FHIT: variants seen among roughly 807,000 people sequenced by gnomAD.
FHIT encodes bis(5'-adenosyl)-triphosphatase.
Under a neutral mutation model 17.9 loss-of-function variants are expected in FHIT, and 19 were observed. The ratio of observed to expected loss-of-function variants is 1.06; its 90% CI spans 0.74 to 1.56. The LOEUF is 1.56. Ranked by LOEUF, FHIT falls within the 40% of genes most tolerant of loss-of-function variation. The pLI, the probability that FHIT is intolerant of heterozygous loss-of-function variation, is 0.00. For missense variants in FHIT, 248 were observed against 189.2 expected (o/e 1.31, Z -1.82); for synonymous variants, 81 against 69.7 (o/e 1.16, Z -0.81).
At chr3:59,871,332 G>T (rs889992899) in intron 8 of FHIT, among the ~76,000 whole-genome samples, 1 of 152,066 alleles carries the variant, frequency 6.6e-6, no homozygotes, top group African/African-American at 2.4e-5. Flanking sequence ...CCTGAATTTT[G>T]CTGTGTGCGC....
At chr3:60,084,660 C>T (rs923423876) in intron 5 of FHIT, among the ~76,000 whole-genome samples, 4 of 152,048 alleles carry the variant, frequency 2.6e-5, no homozygotes, top group Admixed American at 1.3e-4. Context: ...GAAAATGATA[C>T]GAGTAAACAC....
intron 5 of FHIT, among the ~76,000 whole-genome samples, chr3:60,139,611 C>G (rs1275520661): frequency 6.6e-6 from 1 of 152,140 alleles, no homozygotes; most frequent in East Asian, 1.9e-4. Flanking sequence ...GCCTGCTTTA[C>G]TGTTCCCCCT....
At chr3:60,955,627 T>TATAC (rs1709108864) in intron 3 of FHIT, among the ~76,000 whole-genome samples, 2 of 31,010 alleles carry the variant, frequency 6.4e-5, no homozygotes, top group Admixed American at 4.3e-4. Flanking sequence ...TATATATATA[T>TATAC]ATATATACAC....
intron 3 of FHIT, among the ~76,000 whole-genome samples, chr3:60,881,597 T>C (rs754124660): frequency 1.2e-4 from 19 of 152,034 alleles, no homozygotes; most frequent in Non-Finnish European, 2.5e-4. Context: ...CTGAACACAA[T>C]GGAATAAAAC....
chr3:60,762,670 G>C (rs1036109902), intron 4 of FHIT, among the ~76,000 whole-genome samples: 1 of 152,156 alleles, frequency 6.6e-6, no homozygotes, highest in Non-Finnish European at 1.5e-5. Context: ...CACTGTGAAG[G>C]TAATTTTTAG....
At chr3:60,056,255 T>C (rs1183099095) in intron 5 of FHIT, among the ~76,000 whole-genome samples, 3 of 152,184 alleles carry the variant, frequency 2.0e-5, no homozygotes, top group East Asian at 3.8e-4. Context: ...CTGTAGAAGA[T>C]TTCTCCCAGA....
intron 3 of FHIT, among the ~76,000 whole-genome samples, chr3:60,987,082 G>T (rs1710750354): frequency 6.6e-6 from 1 of 152,152 alleles, no homozygotes; most frequent in Non-Finnish European, 1.5e-5. Flanking sequence ...TGAGCAGTTG[G>T]AATTAAGTCA....
At chr3:60,281,180 C>G (rs1707432616) in intron 5 of FHIT, among the ~76,000 whole-genome samples, 1 of 151,974 alleles carries the variant, frequency 6.6e-6, no homozygotes, top group South Asian at 2.1e-4. Flanking sequence ...ATAAAAAATT[C>G]TGATGAAAGA....
intron 5 of FHIT, among the ~76,000 whole-genome samples, chr3:60,419,880 T>G (rs562238942): frequency 6.6e-6 from 1 of 152,170 alleles, no homozygotes; most frequent in African/African-American, 2.4e-5. Context: ...AAATTTGGCT[T>G]TTACCACTTA....
At chr3:59,982,577 A>T (rs1384244610) in intron 7 of FHIT, among the ~76,000 whole-genome samples, 1 of 152,178 alleles carries the variant, frequency 6.6e-6, no homozygotes, top group Non-Finnish European at 1.5e-5. Flanking sequence ...ATATTTCACA[A>T]TGAATTTTTG....
chr3:60,279,628 G>C lies in FHIT; in HGVS notation c.103+257232C>G, dbSNP rs138552855. ...ACCCCATTAAAAGAAAGAAAAACTA[G>C]AAATTAATATCGCTCGTGAACATGA... On this transcript the variant is annotated intron_variant, in intron 5 of 9. Transcript: ENST00000492590. Among the ~76,000 whole-genome samples, 984 of 152,140 alleles carry C rather than the reference G, an allele frequency of 6.5e-3. 9 individuals carry two copies. The highest frequency in any genetic ancestry group is 0.023 in the African/African-American group (938 of 41,526).
chr3:60,967,130 G>T (rs1401115949), intron 3 of FHIT, among the ~76,000 whole-genome samples: 1 of 152,088 alleles, frequency 6.6e-6, no homozygotes, highest in Admixed American at 6.5e-5. Context: ...TTGATATATT[G>T]TAAATTGCTT....
chr3:60,261,393 GGTGA>G (rs1169812487), intron 5 of FHIT, among the ~76,000 whole-genome samples: 6 of 151,786 alleles, frequency 4.0e-5, no homozygotes, highest in Admixed American at 2.0e-4. Flanking sequence ...TTTCAGAGAC[GGTGA>G]GTATTAGAAT....
chr3:59,829,216 A>AT (rs1701080253), intron 8 of FHIT, among the ~76,000 whole-genome samples: 1 of 152,126 alleles, frequency 6.6e-6, no homozygotes, highest in Non-Finnish European at 1.5e-5. Context: ...TACACAATTA[A>AT]TTTTTTCTAG....
chr3:60,860,188 A>ATATACATCATAT (rs1703602774), intron 3 of FHIT, among the ~76,000 whole-genome samples: 1 of 98,432 alleles, frequency 1.0e-5, no homozygotes, highest in African/African-American at 4.3e-5. Context: ...GGTATACATG[A>ATATACATCATAT]GATACATCAT....
chr3:59,980,283 A>G (rs1402826858), intron 7 of FHIT, among the ~76,000 whole-genome samples: 2 of 152,148 alleles, frequency 1.3e-5, no homozygotes, highest in Admixed American at 1.3e-4. Flanking sequence ...TTCAGGCCAG[A>G]GGAAGGTGGC....
chr3:60,813,682 A>G (rs1409952159), intron 4 of FHIT, among the ~76,000 whole-genome samples: 1 of 152,180 alleles, frequency 6.6e-6, no homozygotes, highest in African/African-American at 2.4e-5. Flanking sequence ...GCTTAAAGTG[A>G]TGAGCCACTT....
intron 2 of FHIT, among the ~76,000 whole-genome samples, chr3:61,116,525 T>A (rs2036302889): frequency 6.6e-6 from 1 of 152,052 alleles, no homozygotes; most frequent in African/African-American, 2.4e-5. Context: ...AAAATCACTC[T>A]TCGTTCCTAC....
chr3:60,572,783 CA>C (rs1159617484), intron 4 of FHIT, among the ~76,000 whole-genome samples: 2 of 152,094 alleles, frequency 1.3e-5, no homozygotes, highest in African/African-American at 2.4e-5. Context: ...CAGCCTAGCA[CA>C]GGGGTTAATG....
Sources: gnomAD v4.1 joint callset for allele counts (sites outside exome capture counted in the v4.1 genomes callset) on GRCh38, gnomAD v4.1.1 for gene constraint, MANE v1.5 for transcripts, NCBI Gene and HGNC (gene_info 2026-07-23, HGNC 2026-07-21) for gene names.